Variants in TMEM201 observed in about 807,000 individuals in gnomAD.
The protein encoded by TMEM201 is transmembrane protein 201, also known as RP13-15M17.2.
Under a neutral mutation model 63.4 loss-of-function variants are expected in TMEM201, and 26 were observed. That is an observed-to-expected ratio of 0.41 (90% CI 0.30 to 0.57). TMEM201 has a LOEUF of 0.57. TMEM201 is among the 20% of genes least tolerant of loss of function. TMEM201 has a pLI of 0.29. For missense variants in TMEM201, 794 were observed against 917.7 expected (o/e 0.87, Z 1.74); for synonymous variants, 417 against 421.6 (o/e 0.99, Z 0.14).
Position 9,602,123 on chromosome 1 carries a change from G to A in TMEM201, c.1011G>A (p.Leu337=), listed in dbSNP as rs1241792290. 2 of 1,612,934 alleles carry A rather than the reference G, an allele frequency of 1.2e-6. No homozygotes were observed. The highest frequency in any genetic ancestry group is 2.7e-5 in the African/African-American group (2 of 74,934). The change falls in exon 6 of 11, where the codon CTG becomes CTA. Residue 337 remains leucine, a synonymous_variant. Coordinates refer to ENST00000340381, the MANE Select transcript of TMEM201 (RefSeq NM_001130924.3). ...GCCTGTGGGCCCTGCTGCTGGGGCT[G>A]CACCTGGCTGAGCAGCACCTGCAGG... ...CTCLWALLLG[L]HLAEQHLQAA...
chr1:9,599,328 ATCTCTTC>A (rs1557553188), intron 4 of TMEM201, among the ~76,000 whole-genome samples: 8 of 151,494 alleles, frequency 5.3e-5, no homozygotes, highest in South Asian at 2.1e-4. Flanking sequence ...GCTCACTGCA[ATCTCTTC>A]CTCCCGGGTT....
Position 9,604,809 on chromosome 1 carries a change from G to A in TMEM201, c.1160+2537G>A. 1 of 985,988 alleles carries A rather than the reference G, an allele frequency of 1.0e-6. No homozygotes were observed. Among genetic ancestry groups the A allele is most frequent in the South Asian group, 4.7e-5 (1 of 21,290 alleles). The allele number at this position is 985,988 out of a possible 1,614,324, so 61.1% of individuals were successfully genotyped here. ...ACACATGACCCTTCTGTCTGTGACT[G>A]TTGCTGAGTCTCTGTCTCATGTCGT... is the stretch of plus-strand genomic sequence containing the variant. On this transcript the variant is annotated intron_variant, in intron 6 of 10. Coordinates refer to ENST00000340381, the MANE Select transcript of TMEM201 (RefSeq NM_001130924.3). The surrounding 1 kb of genome is among the most constrained non-coding windows in gnomAD (Gnocchi z 4.1).
intron 1 of TMEM201, among the ~76,000 whole-genome samples, chr1:9,591,827 C>CATA (rs1643926842): frequency 6.6e-6 from 1 of 152,252 alleles, no homozygotes; most frequent in Non-Finnish European, 1.5e-5. Flanking sequence ...CCGCCGCACC[C>CATA]CGGGCATACG....
intron 1 of TMEM201, among the ~76,000 whole-genome samples, chr1:9,589,703 C>G (rs897850256): frequency 1.3e-5 from 2 of 152,270 alleles, no homozygotes; most frequent in African/African-American, 4.8e-5. Flanking sequence ...CAGATCCGGC[C>G]TCTTTCATCG....
At position 9,604,130 on chromosome 1, in the gene TMEM201, C is replaced by T; in HGVS notation, c.1160+1858C>T. On this transcript the variant is annotated intron_variant, in intron 6 of 10. Coordinates refer to ENST00000340381, the MANE Select transcript of TMEM201 (RefSeq NM_001130924.3). This position sits in a 1 kb window ranked among gnomAD's most constrained non-coding sequence, Gnocchi z 4.1. ...GTCCTGTCGGCTGGCCATGCTGTTGCTTGCGTCTCGAATCTTCGGTTCTCG... is the reference window on the plus strand; with the variant it reads ...GTCCTGTCGGCTGGCCATGCTGTTGTTTGCGTCTCGAATCTTCGGTTCTCG... 1 of 985,454 alleles carries T rather than the reference C, an allele frequency of 1.0e-6. No individual in the cohort carries two copies. The highest frequency in any genetic ancestry group is 1.2e-6 in the Non-Finnish European group (1 of 829,938). 61.0% of individuals were successfully genotyped at this position (985,454 alleles called of 1,614,324 possible). A position where few individuals can be genotyped will look rare whatever the true frequency, so the allele number is the denominator to read the frequency against.
At position 9,604,793 on chromosome 1, in the gene TMEM201, C is replaced by A; in HGVS notation, c.1160+2521C>A. 1.0e-6 allele frequency: 1 copy of A among 985,980 alleles called. No individual in the cohort carries two copies. The highest frequency in any genetic ancestry group is 1.2e-6 in the Non-Finnish European group (1 of 829,998). The allele number at this position is 985,980 out of a possible 1,614,324, so 61.1% of individuals were successfully genotyped here. Reference sequence around the variant, plus strand: ...CCCTGCCCAGGAAGGAACACATGACCCTTCTGTCTGTGACTGTTGCTGAGT... The same window carrying A: ...CCCTGCCCAGGAAGGAACACATGACACTTCTGTCTGTGACTGTTGCTGAGT... On this transcript the variant is annotated intron_variant, in intron 6 of 10. Coordinates refer to ENST00000340381, the MANE Select transcript of TMEM201 (RefSeq NM_001130924.3). This position sits in a 1 kb window ranked among gnomAD's most constrained non-coding sequence, Gnocchi z 4.1.
At chr1:9,606,954 G>A (rs1644254192) in intron 6 of TMEM201, among the ~76,000 whole-genome samples, 1 of 152,196 alleles carries the variant, frequency 6.6e-6, no homozygotes, top group Non-Finnish European at 1.5e-5. Flanking sequence ...GAACTTCAGA[G>A]GAGTTTCCAG....
chr1:9,601,021 G>C lies in TMEM201; in HGVS notation c.607-84G>C, dbSNP rs1644128308. ...ATGTGTGAGAACATGGGTCTGGCCA[G>C]AACCCCGCACAGACTGGCACCGGTG... is the stretch of plus-strand genomic sequence containing the variant. On this transcript the variant is annotated intron_variant, in intron 4 of 10. Coordinates refer to ENST00000340381, the MANE Select transcript of TMEM201 (RefSeq NM_001130924.3). 3.8e-5 allele frequency: 48 copies of C among 1,266,302 alleles called. No individual in the cohort carries two copies. In the South Asian group the frequency reaches 6.4e-4, roughly 17 times the overall value. The allele number at this position is 1,266,302 out of a possible 1,614,324, so 78.4% of individuals were successfully genotyped here. A position where few individuals can be genotyped will look rare whatever the true frequency, so the allele number is the denominator to read the frequency against.
At chr1:9,596,049 G>T (rs371414068) in intron 2 of TMEM201, 39 bp downstream of exon 2, 4 of 1,601,978 alleles carry the variant, frequency 2.5e-6, no homozygotes, top group Non-Finnish European at 3.4e-6. Context: ...GGCACGCGGG[G>T]GTGGGGATCT....
At position 9,596,845 on chromosome 1, in the gene TMEM201, CCT is replaced by C. The variant is rs778180458; in HGVS notation, c.235-8_235-7del. The C allele has an allele frequency of 6.4e-7, 1 of 1,572,912 alleles. No homozygotes were observed. Among genetic ancestry groups the C allele is most frequent in the Non-Finnish European group, 8.7e-7 (1 of 1,151,178 alleles). On this transcript the variant is annotated splice_polypyrimidine_tract_variant and intron_variant, in intron 2 of 10. Coordinates refer to ENST00000340381, the MANE Select transcript of TMEM201 (RefSeq NM_001130924.3). ...GAGGGCCTGCCTGCCTCGAGTCCCA[CCT>C]CTCTCCCGCAGAACGGCGACTACAA...
At chr1:9,596,114 G>A in intron 2 of TMEM201, 104 bp downstream of exon 2, 1 of 1,439,478 alleles carries the variant, frequency 6.9e-7, no homozygotes. Context: ...GGGGCTCATG[G>A]ACCCCACACC....
intron 1 of TMEM201, among the ~76,000 whole-genome samples, chr1:9,591,144 C>G (rs1643911423): frequency 6.6e-6 from 1 of 152,228 alleles, no homozygotes; most frequent in Admixed American, 6.5e-5. Flanking sequence ...CCTGGCTTCC[C>G]CACGCATGGA....
intron 1 of TMEM201, 151 bp downstream of exon 1, chr1:9,589,194 G>A (rs1333385851): frequency 2.4e-5 from 4 of 165,068 alleles, no homozygotes; most frequent in Non-Finnish European, 4.9e-5. Context: ...CCCCGAGACC[G>A]GGTTGAGACT....
At position 9,595,957 on chromosome 1, in the gene TMEM201, A is replaced by T. The variant is rs766705011; in HGVS notation, c.181A>T (p.Asn61Tyr). Residue 61 changes from asparagine to tyrosine, a missense_variant, in exon 2 of 11, where the codon AAC (asparagine) becomes TAC (tyrosine). Physicochemically the swap from Asn to Tyr is moderately radical, Grantham distance 143. Transcript: ENST00000340381. Reference sequence around the variant, plus strand: ...CCAGGATACGCTGGTGCCCTATGGGAACCGCAACTGCTGGGACTGTCCCCA... The same window carrying T: ...CCAGGATACGCTGGTGCCCTATGGGTACCGCAACTGCTGGGACTGTCCCCA... The part of the protein sequence containing the change: ...CNQDTLVPYG[N>Y]RNCWDCPHCE... 1 of 1,613,652 alleles carries T rather than the reference A, an allele frequency of 6.2e-7. No individual in the cohort carries two copies. The highest frequency in any genetic ancestry group is 8.5e-7 in the Non-Finnish European group (1 of 1,180,006).
chr1:9,601,076 A>T lies in TMEM201; in HGVS notation c.607-29A>T, dbSNP rs749767877. The T allele has an allele frequency of 2.6e-6, 4 of 1,556,696 alleles. No individual in the cohort carries two copies. In the South Asian group the frequency reaches 4.8e-5, roughly 19 times the overall value. ...CTGGGGGTGGCTCTGTGGCCGTCTC[A>T]CTAACCCGCCTCTCTTCCTCCTTTG... On this transcript the variant is annotated intron_variant, in intron 4 of 10. Transcript: ENST00000340381.
At chr1:9,591,225 A>G (rs2100443362) in intron 1 of TMEM201, among the ~76,000 whole-genome samples, 1 of 152,342 alleles carries the variant, frequency 6.6e-6, no homozygotes, top group Middle Eastern at 3.4e-3. Flanking sequence ...CTGTCTCCTC[A>G]TGAAACTGCC....
rs562210234 is a variant in TMEM201 at position 9,605,454 on chromosome 1, G to T, written c.1161-2103G>T. Reference sequence around the variant, plus strand: ...CGTGGTTTGAGGGCACAGGGCAGTCGGGGGGGGTCTCTCGCCAAAGGAAAT... The same window carrying T: ...CGTGGTTTGAGGGCACAGGGCAGTCTGGGGGGGTCTCTCGCCAAAGGAAAT... On this transcript the variant is annotated intron_variant, in intron 6 of 10. Transcript: ENST00000340381. The surrounding 1 kb of genome is among the most constrained non-coding windows in gnomAD (Gnocchi z 5.7). Among the ~76,000 whole-genome samples, 1 of 150,050 alleles carries T rather than the reference G, an allele frequency of 6.7e-6. No individual in the cohort carries two copies. The highest frequency in any genetic ancestry group is 2.1e-4 in the South Asian group (1 of 4,776).
In TMEM201 at chr1:9,614,420, G is replaced by C. The variant is rs1644363524; in HGVS notation, c.*1337G>C. ...TTTTTTTAATGTGGGGAAGGAGCTT[G>C]CTCTGACGTCACCCTCCTCTCCCCT... is the stretch of plus-strand genomic sequence containing the variant. On this transcript the variant is annotated 3_prime_UTR_variant, in exon 11 of 11. Coordinates refer to ENST00000340381, the MANE Select transcript of TMEM201 (RefSeq NM_001130924.3). The C allele has an allele frequency of 6.6e-6, 1 of 151,704 alleles. No homozygotes were observed. Among genetic ancestry groups the C allele is most frequent in the East Asian group, 1.9e-4 (1 of 5,164 alleles). The allele number at this position is 151,704 out of a possible 1,614,324, so 9.4% of individuals were successfully genotyped here. A position where few individuals can be genotyped will look rare whatever the true frequency, so the allele number is the denominator to read the frequency against.
chr1:9,607,686 C>T lies in TMEM201; in HGVS notation c.1290C>T (p.Asn430=). The T allele has an allele frequency of 6.4e-7, 1 of 1,552,050 alleles. No individual in the cohort carries two copies. The highest frequency in any genetic ancestry group is 1.2e-5 in the South Asian group (1 of 84,066). The change falls in exon 7 of 11, where the codon AAC becomes AAT. Residue 430 remains asparagine (N), a synonymous_variant. Transcript: ENST00000340381. The surrounding 1 kb of genome is among the most constrained non-coding windows in gnomAD (Gnocchi z 5.4). The part of the protein sequence containing the change: ...PSPPSFLPLA[N]QQLFRSPRRT... ...CGCCCAGCTTCCTGCCCCTCGCCAA[C>T]CAGCAGCTCTTCCGGTCTCCTCGAC... is the stretch of plus-strand genomic sequence containing the variant.
Sources: allele counts gnomAD v4.1 joint callset (sites outside exome capture counted in the v4.1 genomes callset), GRCh38; gene constraint gnomAD v4.1.1; non-coding constraint Gnocchi (gnomAD v3.1); transcripts MANE v1.5; gene names NCBI Gene and HGNC (gene_info 2026-07-23, HGNC 2026-07-21).